The following ENTREP2 variants were observed in gnomAD, a reference collection of about 807,000 sequenced individuals.
ENTREP2 encodes endosomal transmembrane epsin interactor 2.
chr15:29,624,018 G>A, the ENTREP2 span, among the ~76,000 whole-genome samples: 5 of 152,176 alleles, frequency 3.3e-5, no homozygotes, highest in Non-Finnish European at 5.9e-5. Flanking sequence ...GATTATAGGC[G>A]TGAGCCACCG....
At chr15:29,185,667 T>C in the ENTREP2 span, among the ~76,000 whole-genome samples, 1 of 152,154 alleles carries the variant, frequency 6.6e-6, no homozygotes, top group Non-Finnish European at 1.5e-5. Context: ...GTTCAAGCGA[T>C]TCTCCTGCCT....
At chr15:29,418,706 A>G in the ENTREP2 span, among the ~76,000 whole-genome samples, 2 of 152,218 alleles carry the variant, frequency 1.3e-5, no homozygotes, top group Non-Finnish European at 2.9e-5. Flanking sequence ...TGAGAGTGAC[A>G]AAATTCAAAC....
the ENTREP2 span, among the ~76,000 whole-genome samples, chr15:29,356,127 TATGTGAGG>T: frequency 6.7e-6 from 1 of 148,940 alleles, no homozygotes; most frequent in Non-Finnish European, 1.5e-5. Flanking sequence ...CATCTTGTTC[TATGTGAGG>T]ATGTGAGGAT....
At chr15:29,289,634 T>G in the ENTREP2 span, among the ~76,000 whole-genome samples, 1 of 151,854 alleles carries the variant, frequency 6.6e-6, no homozygotes, top group South Asian at 2.1e-4. Flanking sequence ...TCACCTGGGG[T>G]CAGGAGTTTG....
the ENTREP2 span, among the ~76,000 whole-genome samples, chr15:29,498,926 T>A: frequency 2.6e-5 from 4 of 152,214 alleles, no homozygotes; most frequent in African/African-American, 9.6e-5. Context: ...TTTTAAAGTT[T>A]TGTAGTCAAA....
the ENTREP2 span, among the ~76,000 whole-genome samples, chr15:29,657,008 G>C: frequency 5.9e-5 from 9 of 152,126 alleles, no homozygotes; most frequent in Admixed American, 2.0e-4. Context: ...TCGTGGTCTC[G>C]CTGCCTTCAA....
the ENTREP2 span, among the ~76,000 whole-genome samples, chr15:29,566,122 G>T: frequency 2.0e-5 from 3 of 152,084 alleles, no homozygotes; most frequent in South Asian, 6.2e-4. Flanking sequence ...GCTATACATT[G>T]TTTGTGTGTA....
the ENTREP2 span, among the ~76,000 whole-genome samples, chr15:29,531,723 T>C: frequency 6.6e-6 from 1 of 152,214 alleles, no homozygotes; most frequent in African/African-American, 2.4e-5. Context: ...TGCAGCGCAG[T>C]GGCGCAATCT....
the ENTREP2 span, among the ~76,000 whole-genome samples, chr15:29,202,658 C>G: frequency 6.6e-6 from 1 of 152,102 alleles, no homozygotes; most frequent in African/African-American, 2.4e-5. Context: ...CTGACAGGCC[C>G]TGGTATGTGA....
At chr15:29,512,012 G>A in the ENTREP2 span, among the ~76,000 whole-genome samples, 4,953 of 151,396 alleles carry the variant, frequency 0.033, 101 homozygotes, top group Middle Eastern at 0.088. Context: ...AATCAGGGCC[G>A]GTGCTTTGGC....
chr15:29,137,927 C>A, the ENTREP2 span, among the ~76,000 whole-genome samples: 1 of 151,960 alleles, frequency 6.6e-6, no homozygotes, highest in Non-Finnish European at 1.5e-5. Flanking sequence ...AATGTCCCCA[C>A]CCCACCCCAG....
chr15:29,546,123 T>C, the ENTREP2 span, among the ~76,000 whole-genome samples: 8 of 152,176 alleles, frequency 5.3e-5, no homozygotes, highest in Admixed American at 1.3e-4. Flanking sequence ...ATATGACACA[T>C]TGGGAGATCA....
the ENTREP2 span, among the ~76,000 whole-genome samples, chr15:29,158,965 G>A: frequency 6.6e-6 from 1 of 152,034 alleles, no homozygotes; most frequent in Non-Finnish European, 1.5e-5. Context: ...GATTAACAGA[G>A]AAAAGCGACA....
the ENTREP2 span, among the ~76,000 whole-genome samples, chr15:29,300,218 AGATGGATAAGTG>A: frequency 7.1e-6 from 1 of 140,148 alleles, no homozygotes; most frequent in East Asian, 2.2e-4. Context: ...GTGGGTGTAC[AGATGGATAAGTG>A]GATGGAGAAA....
the ENTREP2 span, among the ~76,000 whole-genome samples, chr15:29,163,809 C>G: frequency 6.6e-6 from 1 of 152,156 alleles, no homozygotes; most frequent in East Asian, 1.9e-4. Context: ...GCAAGAAGAA[C>G]AAAGAACACC....
chr15:29,339,862 G>A, the ENTREP2 span, among the ~76,000 whole-genome samples: 3 of 152,216 alleles, frequency 2.0e-5, no homozygotes, highest in East Asian at 1.9e-4. Context: ...CCCAGTAGGC[G>A]GCTCAACTGA....
chr15:29,464,765 G>A, the ENTREP2 span, among the ~76,000 whole-genome samples: 1 of 152,116 alleles, frequency 6.6e-6, no homozygotes, highest in Non-Finnish European at 1.5e-5. Flanking sequence ...GCACAACCTC[G>A]GAAACAGCAG....
the ENTREP2 span, among the ~76,000 whole-genome samples, chr15:29,240,059 ATG>A: frequency 6.6e-6 from 1 of 152,364 alleles, no homozygotes; most frequent in Non-Finnish European, 1.5e-5. Context: ...CCCAAAAAGC[ATG>A]TGTTGAAAAC....
chr15:29,300,526 T>C, the ENTREP2 span, among the ~76,000 whole-genome samples: 1 of 152,208 alleles, frequency 6.6e-6, no homozygotes, highest in Non-Finnish European at 1.5e-5. Flanking sequence ...TTAGGAAGAA[T>C]GAATTAAAAC....
Sources: allele counts gnomAD v4.1 joint callset (sites outside exome capture counted in the v4.1 genomes callset), GRCh38; gene constraint gnomAD v4.1.1; transcripts MANE v1.5; gene names NCBI Gene and HGNC (gene_info 2026-07-23, HGNC 2026-07-21).